RGS6: variants seen among roughly 807,000 people sequenced by gnomAD.
RGS6 encodes the protein regulator of G protein signaling 6.
RGS6 carries 30 observed loss-of-function variants against 78.5 expected under a neutral mutation model. The ratio of observed to expected loss-of-function variants is 0.38; its 90% CI spans 0.29 to 0.52. The LOEUF is 0.52. RGS6 is among the 20% of genes least tolerant of loss of function. The pLI is 0.85. For missense variants in RGS6, 495 were observed against 609.7 expected, an observed-to-expected ratio of 0.81 and a Z score of 1.98; for synonymous variants, 206 against 206.0, an observed-to-expected ratio of 1.00 and a Z score of 0.00.
chr14:72,270,500 A>T (rs1018995455), intron 2 of RGS6, among the ~76,000 whole-genome samples: 1 of 152,200 alleles, frequency 6.6e-6, no homozygotes, highest in African/African-American at 2.4e-5. Flanking sequence ...AGCCAGACAC[A>T]CACAGTGACT....
chr14:72,329,242 G>C (rs2074450767), intron 2 of RGS6, among the ~76,000 whole-genome samples: 1 of 152,254 alleles, frequency 6.6e-6, no homozygotes, highest in Non-Finnish European at 1.5e-5. Flanking sequence ...TCATTTACAT[G>C]CACACACATA....
intron 2 of RGS6, among the ~76,000 whole-genome samples, chr14:72,169,460 G>A (rs1206375894): frequency 6.6e-6 from 1 of 152,186 alleles, no homozygotes; most frequent in African/African-American, 2.4e-5. Flanking sequence ...AGAATTTATG[G>A]TGAATGCTTC....
intron 2 of RGS6, among the ~76,000 whole-genome samples, chr14:72,066,872 C>T (rs2094176848): frequency 6.8e-6 from 1 of 147,540 alleles, no homozygotes; most frequent in Non-Finnish European, 1.5e-5. Flanking sequence ...AAGAAATGCA[C>T]TGTGGCTCCA....
downstream of RGS6, chr14:72,566,647 A>T (rs1487610061): frequency 1.5e-4 from 19 of 130,384 alleles, no homozygotes; most frequent in Non-Finnish European, 2.0e-4. Context: ...ACACACACAC[A>T]CACACACACA....
chr14:72,607,542 T>G, the RGS6 span, among the ~76,000 whole-genome samples: 1 of 152,226 alleles, frequency 6.6e-6, no homozygotes, highest in Non-Finnish European at 1.5e-5. Context: ...ATATGGATTT[T>G]GGGGGACATA....
chr14:72,424,125 G>A (rs1229905831), intron 3 of RGS6, among the ~76,000 whole-genome samples: 2 of 152,120 alleles, frequency 1.3e-5, no homozygotes, highest in East Asian at 1.9e-4. Context: ...CCCTGCTTGG[G>A]GCTATTCCTG....
chr14:72,606,659 G>A, the RGS6 span, among the ~76,000 whole-genome samples: 4 of 152,206 alleles, frequency 2.6e-5, no homozygotes, highest in African/African-American at 7.2e-5. Context: ...TTTCCCCGCT[G>A]ATAGTTTGGA....
intron 17 of RGS6, chr14:72,541,000 TG>T: frequency 7.8e-7 from 1 of 1,283,628 alleles, no homozygotes; most frequent in Non-Finnish European, 1.0e-6. Flanking sequence ...CTTTCCATGC[TG>T]GTCGGCCCAA....
intron 2 of RGS6, among the ~76,000 whole-genome samples, chr14:72,163,453 G>A (rs971890819): frequency 2.6e-5 from 4 of 152,210 alleles, no homozygotes; most frequent in South Asian, 2.1e-4. Flanking sequence ...GGCAGGTACC[G>A]GACTCTCAAG....
At chr14:72,531,523 C>T (rs1055484747) in intron 15 of RGS6, among the ~76,000 whole-genome samples, 17 of 151,972 alleles carry the variant, frequency 1.1e-4, no homozygotes, top group Non-Finnish European at 1.9e-4. Flanking sequence ...GGGTAACTCC[C>T]CTGCTTTTGT....
Position 72,324,772 on chromosome 14 carries a change from T to G in RGS6, c.85-27323T>G, listed in dbSNP as rs369952919. ...GTCTATCATGGATGGACATTTGGGT[T>G]GGTTCCAAGTCTTTGCTATTGTGAA... is the stretch of plus-strand genomic sequence containing the variant. On this transcript the variant is annotated intron_variant, in intron 2 of 17. Coordinates refer to ENST00000553525, the MANE Select transcript of RGS6 (RefSeq NM_001204424.2). Among the ~76,000 whole-genome samples the G allele has an allele frequency of 3.5e-4, 54 of 152,182 alleles. 1 individual carries two copies. In the East Asian group the frequency reaches 9.1e-3, roughly 26 times the overall value.
intron 16 of RGS6, among the ~76,000 whole-genome samples, chr14:72,539,107 C>T (rs1190268362): frequency 1.3e-5 from 2 of 152,164 alleles, no homozygotes; most frequent in African/African-American, 4.8e-5. Context: ...TCTCCCGGAA[C>T]CCCTGCAGCT....
At chr14:72,602,475 G>A in the RGS6 span, among the ~76,000 whole-genome samples, 4 of 152,024 alleles carry the variant, frequency 2.6e-5, no homozygotes, top group Non-Finnish European at 1.5e-5. Flanking sequence ...TAGCATGGCC[G>A]CCACAGGTCA....
At chr14:71,987,438 CA>C (rs1566966623) in intron 2 of RGS6, among the ~76,000 whole-genome samples, 1 of 152,204 alleles carries the variant, frequency 6.6e-6, no homozygotes, top group East Asian at 1.9e-4. Flanking sequence ...CAAGCAGATA[CA>C]TTCAAAATGA....
chr14:71,964,235 G>A (rs1018183614), intron 1 of RGS6, among the ~76,000 whole-genome samples: 5 of 152,164 alleles, frequency 3.3e-5, no homozygotes, highest in East Asian at 1.9e-4. Context: ...GGCTGGGTGC[G>A]GTGGCGCACG....
chr14:72,526,041 C>G (rs1385517968), intron 15 of RGS6, among the ~76,000 whole-genome samples: 2 of 152,066 alleles, frequency 1.3e-5, no homozygotes, highest in African/African-American at 4.8e-5. Flanking sequence ...GTTGCTACAT[C>G]TAAGCATAGA....
At chr14:71,895,712 G>A in the RGS6 span, among the ~76,000 whole-genome samples, 1 of 152,166 alleles carries the variant, frequency 6.6e-6, no homozygotes, top group Non-Finnish European at 1.5e-5. Flanking sequence ...ATACTAACCA[G>A]GTGTAGTGCA....
chr14:72,465,881 T>G, intron 7 of RGS6, 59 bp downstream of exon 7: 1 of 1,343,902 alleles, frequency 7.4e-7, no homozygotes, highest in Non-Finnish European at 1.1e-6. Flanking sequence ...TATCTGCAGC[T>G]CCGTCTAAGT....
intron 2 of RGS6, among the ~76,000 whole-genome samples, chr14:72,167,551 G>A (rs1270937415): frequency 2.0e-5 from 3 of 152,128 alleles, no homozygotes; most frequent in Non-Finnish European, 4.4e-5. Context: ...TATTAATGTA[G>A]TCTGTATTTC....
Sources: gnomAD v4.1 joint callset for allele counts (sites outside exome capture counted in the v4.1 genomes callset) on GRCh38, gnomAD v4.1.1 for gene constraint, MANE v1.5 for transcripts, NCBI Gene and HGNC (gene_info 2026-07-23, HGNC 2026-07-21) for gene names.